APTX: variants seen among roughly 807,000 people sequenced by gnomAD.
The protein encoded by APTX is aprataxin.
APTX carries 33 observed loss-of-function variants against 42.3 expected under a neutral mutation model. That is an observed-to-expected ratio of 0.78 (90% CI 0.59 to 1.04). The LOEUF is 1.04. Ranked by LOEUF, APTX falls within the 50% of genes least tolerant of loss-of-function variation. The pLI is 0.00. For synonymous variants in APTX, 130 were observed against 146.7 expected (o/e 0.89, Z 0.82); for missense variants, 421 against 415.1 (o/e 1.01, Z -0.12).
chr9:33,019,870 G>A (rs903665033), intron 1 of APTX: 11 of 627,138 alleles, frequency 1.8e-5, no homozygotes, highest in Admixed American at 7.6e-5. Flanking sequence ...CCCTTTGGTG[G>A]GGTTCGGCAT....
chr9:33,024,478 G>A lies in APTX; in HGVS notation c.-5+545C>T, dbSNP rs564026813. Among the ~76,000 whole-genome samples, 36 of 152,318 alleles carry A rather than the reference G, an allele frequency of 2.4e-4. 1 individual carries two copies. In the South Asian group the frequency reaches 7.5e-3, roughly 32 times the overall value. ...CTGACCCGTAGGATTTAAAAGTGAGGTCAAATAATTAAACAAATTGTTTTA... is the reference window on the plus strand; with the variant it reads ...CTGACCCGTAGGATTTAAAAGTGAGATCAAATAATTAAACAAATTGTTTTA... On this transcript the variant is annotated intron_variant, in intron 1 of 6. Transcript: ENST00000436040.
chr9:33,002,255 A>G (rs1836694305), upstream of APTX, among the ~76,000 whole-genome samples: 1 of 152,170 alleles, frequency 6.6e-6, no homozygotes. Context: ...CCTATCTCGG[A>G]GGTAAAAGTA....
At position 33,008,844 on chromosome 9, in the gene APTX, G is replaced by A. The variant is rs571358019; in HGVS notation, c.-5+16179C>T. 3.8e-4 allele frequency among the ~76,000 whole-genome samples: 57 copies of A among 151,508 alleles called. 1 individual carries two copies. The highest frequency in any genetic ancestry group is 6.8e-3 in the Middle Eastern group (2 of 294). ...TGGGATTACAGACGTGCGCCACCGC[G>A]TTGGCCTGATTGATTTTTTAATGAT... is the stretch of plus-strand genomic sequence containing the variant. On this transcript the variant is annotated intron_variant, in intron 1 of 6. Coordinates refer to the APTX transcript ENST00000436040.
rs529420658 is a variant in APTX, at chr9:33,018,503, G to A, written c.-5+6520C>T. On this transcript the variant is annotated intron_variant, in intron 1 of 6. Coordinates refer to the APTX transcript ENST00000436040. Reference sequence around the variant, plus strand: ...GAATCGCTTGAACCCAGGAGGCGGAGGTTGCAGTGAGCCGAGATTGTGCCA... The same window carrying A: ...GAATCGCTTGAACCCAGGAGGCGGAAGTTGCAGTGAGCCGAGATTGTGCCA... Among the ~76,000 whole-genome samples, 6 of 149,146 alleles carry A rather than the reference G, an allele frequency of 4.0e-5. No homozygotes were observed. In the South Asian group the frequency reaches 1.3e-3, roughly 32 times the overall value.
intron 6 of APTX, among the ~76,000 whole-genome samples, chr9:32,980,652 T>C (rs1476818277): frequency 1.3e-5 from 2 of 152,188 alleles, no homozygotes; most frequent in African/African-American, 4.8e-5. Flanking sequence ...TACAGCAGTC[T>C]AGGCCAGAAA....
Position 32,973,387 on chromosome 9 carries a change from G to T in APTX, c.*111C>A. 7.9e-7 allele frequency: 1 copy of T among 1,268,192 alleles called. No individual in the cohort carries two copies. The highest frequency in any genetic ancestry group is 1.1e-6 in the Non-Finnish European group (1 of 872,502). The allele number at this position is 1,268,192 out of a possible 1,614,324, so 78.6% of individuals were successfully genotyped here. A position where few individuals can be genotyped will look rare whatever the true frequency, so the allele number is the denominator to read the frequency against. The stretch of plus-strand genomic sequence containing the variant: ...AATAATAGAATAAATTTGTGAAAAA[G>T]CTGCATGTTTTAATTTAGGAAATGA... On this transcript the variant is annotated 3_prime_UTR_variant, in exon 8 of 8. Coordinates refer to ENST00000379817, the MANE Select transcript of APTX (RefSeq NM_001195248.2).
chr9:32,978,953 G>A (rs961681748), intron 6 of APTX, among the ~76,000 whole-genome samples: 1 of 152,090 alleles, frequency 6.6e-6, no homozygotes, highest in African/African-American at 2.4e-5. Flanking sequence ...ACTACTAAAA[G>A]CATATTTTTT....
At chr9:32,983,944 T>C (rs1176313579) in intron 6 of APTX, among the ~76,000 whole-genome samples, 1 of 152,194 alleles carries the variant, frequency 6.6e-6, no homozygotes, top group Non-Finnish European at 1.5e-5. Flanking sequence ...GGTTGCATAG[T>C]AATATGAATA....
chr9:33,006,274 A>C (rs1837133370), upstream of APTX, among the ~76,000 whole-genome samples: 1 of 152,182 alleles, frequency 6.6e-6, no homozygotes, highest in African/African-American at 2.4e-5. Context: ...AATTTTAATA[A>C]AAAGAATTTT....
At chr9:33,021,217 A>T (rs989760477) in intron 1 of APTX, among the ~76,000 whole-genome samples, 1 of 152,148 alleles carries the variant, frequency 6.6e-6, no homozygotes, top group African/African-American at 2.4e-5. Context: ...GCAACAACAA[A>T]AAATGCCTAG....
chr9:32,994,838 G>A (rs1390900752), intron 1 of APTX, among the ~76,000 whole-genome samples: 1 of 152,116 alleles, frequency 6.6e-6, no homozygotes, highest in Non-Finnish European at 1.5e-5. Context: ...TAATGCAGAT[G>A]GAGACTTTAA....
upstream of APTX, among the ~76,000 whole-genome samples, chr9:33,003,913 T>C (rs1836933234): frequency 2.0e-5 from 3 of 152,196 alleles, no homozygotes; most frequent in South Asian, 6.2e-4. Context: ...CCGTGGATAT[T>C]CCACCATTTG....
At chr9:33,023,325 G>C (rs2119341083) in intron 1 of APTX, among the ~76,000 whole-genome samples, 1 of 152,066 alleles carries the variant, frequency 6.6e-6, no homozygotes, top group Admixed American at 6.5e-5. Flanking sequence ...CCAGGTTCAA[G>C]CGATTCTCCT....
rs1204700235 is a variant in APTX, at chr9:33,001,473, G to T, written c.-5+94C>A. 2.5e-6 allele frequency: 4 copies of T among 1,597,510 alleles called. No individual in the cohort carries two copies. The Admixed American group carries it at 6.8e-5, about 27-fold the overall frequency. On this transcript the variant is annotated intron_variant, in intron 1 of 7. Coordinates refer to ENST00000379817, the MANE Select transcript of APTX (RefSeq NM_001195248.2). The stretch of plus-strand genomic sequence containing the variant: ...GCGCATGAAAGCAGCGTCATTCAAG[G>T]CACATCACTCAAGGGTAGGAGCAGC...
chr9:33,023,520 G>GC (rs1342220986), intron 1 of APTX, among the ~76,000 whole-genome samples: 73 of 152,324 alleles, frequency 4.8e-4, no homozygotes, highest in African/African-American at 1.7e-3. Flanking sequence ...ACGGCGCCCG[G>GC]CCTGACTTAC....
chr9:33,019,756 A>C, intron 1 of APTX: 3 of 591,458 alleles, frequency 5.1e-6, no homozygotes, highest in Non-Finnish European at 5.8e-6. Flanking sequence ...CCAGAGAAAG[A>C]TGGTCGAGAA....
At chr9:32,998,847 A>G (rs1375043740) in intron 1 of APTX, among the ~76,000 whole-genome samples, 1 of 151,890 alleles carries the variant, frequency 6.6e-6, no homozygotes, top group Non-Finnish European at 1.5e-5. Flanking sequence ...CGTTCTGCAC[A>G]TGTATCCCAG....
intron 4 of APTX, among the ~76,000 whole-genome samples, chr9:32,986,589 G>A (rs1832224576): frequency 6.6e-6 from 1 of 150,906 alleles, no homozygotes; most frequent in Non-Finnish European, 1.5e-5. Flanking sequence ...TGCAACCTCT[G>A]CCTCCCGGGT....
At chr9:32,992,605 A>G (rs980830284) in intron 1 of APTX, among the ~76,000 whole-genome samples, 1 of 152,232 alleles carries the variant, frequency 6.6e-6, no homozygotes, top group Non-Finnish European at 1.5e-5. Flanking sequence ...AAAAAGACAG[A>G]GGTGTTGAAA....
Sources: gnomAD v4.1 joint callset for allele counts (sites outside exome capture counted in the v4.1 genomes callset) on GRCh38, gnomAD v4.1.1 for gene constraint, MANE v1.5 for transcripts, NCBI Gene and HGNC (gene_info 2026-07-23, HGNC 2026-07-21) for gene names.